ZFHX3: variants seen among roughly 807,000 people sequenced by gnomAD.
The protein encoded by ZFHX3 is zinc finger homeobox protein 3.
A neutral mutation model predicts 279.1 loss-of-function variants in ZFHX3; 42 were observed. The ratio of observed to expected loss-of-function variants is 0.15; its 90% CI spans 0.12 to 0.19. The LOEUF (loss-of-function observed/expected upper bound fraction) is 0.19, where lower values mean the gene tolerates loss of function less well. Among genes scored for constraint, ZFHX3 ranks in the 10% least tolerant of loss-of-function variants. The pLI, the probability that ZFHX3 is intolerant of heterozygous loss-of-function variation, is 1.00. For synonymous variants in ZFHX3, 2,293 were observed against 1,957.8 expected (o/e 1.17, Z -4.52); for missense variants, 4,981 against 4,754.0 (o/e 1.05, Z -1.40).
intron 2 of ZFHX3, among the ~76,000 whole-genome samples, chr16:73,538,361 A>T (rs2019944216): frequency 6.6e-6 from 1 of 151,374 alleles, no homozygotes; most frequent in Non-Finnish European, 1.5e-5. Flanking sequence ...CATGAAAAAT[A>T]AAAAAAAGTC....
chr16:73,026,192 C>CAAAAAAAAA (rs60146795), intron 1 of ZFHX3, among the ~76,000 whole-genome samples: 13 of 47,486 alleles, frequency 2.7e-4, no homozygotes, highest in Non-Finnish European at 3.7e-4. Context: ...ACAAAAAATA[C>CAAAAAAAAA]AAAAAAAAAA....
intron 1 of ZFHX3, among the ~76,000 whole-genome samples, chr16:73,693,559 T>C (rs769542501): frequency 3.3e-5 from 5 of 151,682 alleles, no homozygotes; most frequent in Non-Finnish European, 5.9e-5. Flanking sequence ...TGCGCTTTCA[T>C]GAAGGATAAG....
intron 1 of ZFHX3, among the ~76,000 whole-genome samples, chr16:72,997,205 C>T (rs887463606): frequency 5.9e-5 from 9 of 152,182 alleles, no homozygotes; most frequent in Non-Finnish European, 1.2e-4. Flanking sequence ...CTGTCACTGG[C>T]GGGGTAAGAT....
intron 1 of ZFHX3, among the ~76,000 whole-genome samples, chr16:73,701,243 T>C (rs7204574): frequency 0.083 from 12,635 of 152,304 alleles, 692 homozygotes; most frequent in South Asian, 0.16. Context: ...GTTGGTTTTC[T>C]TGTCGTTATT....
intron 2 of ZFHX3, among the ~76,000 whole-genome samples, chr16:73,576,368 G>A (rs1420406009): frequency 2.0e-5 from 3 of 152,122 alleles, no homozygotes; most frequent in Non-Finnish European, 2.9e-5. Context: ...AATGGTAGCT[G>A]GAACAGTGGT....
At chr16:73,847,131 A>G (rs979977329) in intron 1 of ZFHX3, among the ~76,000 whole-genome samples, 17 of 152,022 alleles carry the variant, frequency 1.1e-4, no homozygotes, top group African/African-American at 3.9e-4. Flanking sequence ...GTGAAACCCC[A>G]TCTCTACTAA....
intron 3 of ZFHX3, among the ~76,000 whole-genome samples, chr16:72,900,937 G>A (rs2039019187): frequency 6.6e-6 from 1 of 152,190 alleles, no homozygotes; most frequent in Admixed American, 6.5e-5. Flanking sequence ...TCTGCACTTG[G>A]CTTTTCCCAA....
intron 3 of ZFHX3, among the ~76,000 whole-genome samples, chr16:73,423,299 C>T (rs567220495): frequency 2.0e-5 from 3 of 152,232 alleles, no homozygotes; most frequent in Admixed American, 6.5e-5. Context: ...TATAGCTAGA[C>T]GACTAACATT....
At chr16:73,124,159 G>T (rs562360513) in intron 7 of ZFHX3, among the ~76,000 whole-genome samples, 5 of 152,206 alleles carry the variant, frequency 3.3e-5, no homozygotes, top group Admixed American at 1.3e-4. Flanking sequence ...GGCCTGTTCC[G>T]GCTGCCGTAA....
intron 1 of ZFHX3, among the ~76,000 whole-genome samples, 199 bp from the exon 2 acceptor site, chr16:72,960,393 G>A (rs985637499): frequency 1.3e-5 from 2 of 152,160 alleles, no homozygotes; most frequent in East Asian, 3.9e-4. Flanking sequence ...TGGCATGGCC[G>A]GGTCAACAGC....
intron 3 of ZFHX3, among the ~76,000 whole-genome samples, chr16:73,366,050 G>A (rs1260867120): frequency 1.3e-5 from 2 of 152,160 alleles, no homozygotes; most frequent in African/African-American, 4.8e-5. Context: ...TGATAAAGAT[G>A]TTTTCTGCAC....
chr16:72,871,502 C>G (rs1210815102), intron 4 of ZFHX3, among the ~76,000 whole-genome samples: 1 of 151,894 alleles, frequency 6.6e-6, no homozygotes, highest in African/African-American at 2.4e-5. Flanking sequence ...CCACCACGCC[C>G]AGCTAATTTT....
chr16:73,015,024 T>TA (rs1964050530), intron 1 of ZFHX3: 1 of 147,250 alleles, frequency 6.8e-6, no homozygotes, highest in Non-Finnish European at 1.5e-5. Flanking sequence ...TCAGATGCTG[T>TA]AATCAAGAGC....
At chr16:73,523,955 T>C (rs1365448689) in intron 2 of ZFHX3, among the ~76,000 whole-genome samples, 1 of 152,228 alleles carries the variant, frequency 6.6e-6, no homozygotes, top group African/African-American at 2.4e-5. Context: ...TCAAAATCTG[T>C]CATTTCAGTT....
chr16:73,111,619 AAG>A (rs1035049434), intron 7 of ZFHX3, among the ~76,000 whole-genome samples: 150 of 139,270 alleles, frequency 1.1e-3, no homozygotes, highest in African/African-American at 3.9e-3. Flanking sequence ...GACAGAAAGA[AAG>A]AGAGAGAGAA....
At chr16:73,399,599 C>T (rs1476635205) in intron 3 of ZFHX3, among the ~76,000 whole-genome samples, 1 of 152,154 alleles carries the variant, frequency 6.6e-6, no homozygotes, top group Non-Finnish European at 1.5e-5. Flanking sequence ...TATTGACATG[C>T]TACGGTGCAC....
At chr16:73,267,808 G>A (rs556561564) in intron 4 of ZFHX3, among the ~76,000 whole-genome samples, 2 of 152,218 alleles carry the variant, frequency 1.3e-5, no homozygotes, top group Admixed American at 1.3e-4. Flanking sequence ...AAGATGATAC[G>A]CAAATTTTCA....
chr16:73,570,806 T>C (rs1231977261), intron 2 of ZFHX3, among the ~76,000 whole-genome samples: 26 of 152,112 alleles, frequency 1.7e-4, no homozygotes, highest in Admixed American at 1.7e-3. Flanking sequence ...TTAAAATCAG[T>C]CTAATTTTTA....
At chr16:73,681,421 A>G (rs748453676) in intron 1 of ZFHX3, among the ~76,000 whole-genome samples, 33 of 152,208 alleles carry the variant, frequency 2.2e-4, no homozygotes, top group Non-Finnish European at 4.7e-4. Context: ...ATTCTTATTA[A>G]AATTATAGTT....
Sources: allele counts gnomAD v4.1 joint callset (sites outside exome capture counted in the v4.1 genomes callset), GRCh38; gene constraint gnomAD v4.1.1; transcripts MANE v1.5; gene names NCBI Gene and HGNC (gene_info 2026-07-23, HGNC 2026-07-21).